The following DCHS2 variants were observed in gnomAD, a reference collection of about 807,000 sequenced individuals.
The protein encoded by DCHS2 is dachsous cadherin-related 2.
DCHS2 carries 142 observed loss-of-function variants against 182.4 expected under a neutral mutation model. The ratio of observed to expected loss-of-function variants is 0.78; its 90% CI spans 0.68 to 0.89. The LOEUF (loss-of-function observed/expected upper bound fraction) is 0.89, where lower values mean the gene tolerates loss of function less well. Among genes scored for constraint, DCHS2 ranks in the 40% least tolerant of loss-of-function variants. The pLI is 0.00. For missense variants in DCHS2, 4,319 were observed against 4,198.6 expected (o/e 1.03, Z -0.79); for synonymous variants, 1,740 against 1,663.3 (o/e 1.05, Z -1.12).
At chr4:154,329,794 G>C in intron 5 of DCHS2, 84 bp from the exon 6 acceptor site, 1 of 1,291,362 alleles carries the variant, frequency 7.7e-7, no homozygotes, top group Non-Finnish European at 1.1e-6. Flanking sequence ...GGAAAACCAA[G>C]TACAAAGCTT....
At chr4:154,442,543 A>ACACC (rs1734081934) in intron 1 of DCHS2, among the ~76,000 whole-genome samples, 1 of 47,432 alleles carries the variant, frequency 2.1e-5, no homozygotes, top group African/African-American at 9.9e-5. Flanking sequence ...CCCCCCCCCC[A>ACACC]CACACACACA....
intron 16 of DCHS2, among the ~76,000 whole-genome samples, chr4:154,248,286 G>A (rs1732184097): frequency 6.6e-6 from 1 of 152,172 alleles, no homozygotes; most frequent in Non-Finnish European, 1.5e-5. Context: ...ACAGTGATAT[G>A]AATATAGAAA....
Position 154,320,973 on chromosome 4 carries a change from G to C in DCHS2, c.4426C>G (p.Leu1476Val). The change falls in exon 9 of 20, where the codon CTT (leucine) becomes GTT (valine). Residue 1476 changes from leucine to valine, a missense_variant. Transcript: ENST00000357232. ...TGGTCTGTAGTAATCACTCTGAAAA[G>C]ATAATGAGATGTCGTCTCATAATCA... is the stretch of plus-strand genomic sequence containing the variant. ...ELDYETTSHY[L>V]FRVITTDHSK... The C allele has an allele frequency of 6.2e-7, 1 of 1,614,080 alleles. No individual in the cohort carries two copies.
intron 2 of DCHS2, among the ~76,000 whole-genome samples, chr4:154,376,462 A>AC (rs879672727): frequency 6.6e-6 from 1 of 151,584 alleles, no homozygotes; most frequent in African/African-American, 2.4e-5. Flanking sequence ...ATTAAAAAAA[A>AC]CTGGTAAAAT....
In DCHS2 at chr4:154,490,418, G is replaced by T; in HGVS notation, c.938C>A (p.Ala313Asp). The change falls in exon 1 of 20, where the codon GCC (alanine) becomes GAC (aspartate). Residue 313 changes from alanine to aspartate, a missense_variant. Transcript: ENST00000357232. ...AAVREDAQPG[A>D]EVCRVRATDR... ...GGTGGCGCGCACGCGACAGACCTCG[G>T]CGCCCGGCTGGGCGTCCTCGCGCAC... The T allele has an allele frequency of 1.3e-6, 2 of 1,533,588 alleles. No individual in the cohort carries two copies. The highest frequency in any genetic ancestry group is 2.7e-5 in the African/African-American group (2 of 72,806). 95.0% of individuals were successfully genotyped at this position (1,533,588 alleles called of 1,614,324 possible).
chr4:154,316,225 T>A (rs1389093526), intron 9 of DCHS2, among the ~76,000 whole-genome samples: 1 of 152,170 alleles, frequency 6.6e-6, no homozygotes, highest in Non-Finnish European at 1.5e-5. Context: ...TCAAGAATAA[T>A]CAATGTTATG....
intron 7 of DCHS2, chr4:154,323,148 G>A: frequency 1.3e-6 from 2 of 1,489,626 alleles, no homozygotes; most frequent in Non-Finnish European, 1.8e-6. Context: ...ATCTAGATTT[G>A]CTGTTGCATC....
intron 1 of DCHS2, among the ~76,000 whole-genome samples, chr4:154,458,063 T>A (rs1734847367): frequency 6.6e-6 from 1 of 152,210 alleles, no homozygotes. Flanking sequence ...TTCGGATACA[T>A]TATTTTATGA....
In DCHS2 at chr4:154,401,200, T is replaced by G. The variant is rs926629058; in HGVS notation, c.2053-23756A>C. On this transcript the variant is annotated intron_variant, in intron 1 of 19. Transcript: ENST00000357232. The stretch of plus-strand genomic sequence containing the variant: ...CTTTTTTCATTCAACATAAGTTTTT[T>G]GAGATTCATCCCTATTGTTTCATGT... 2.0e-5 allele frequency among the ~76,000 whole-genome samples: 3 copies of G among 152,362 alleles called. No individual in the cohort carries two copies. In the East Asian group the frequency reaches 5.8e-4, roughly 29 times the overall value.
rs768356361 is a variant in DCHS2 at position 154,235,090 on chromosome 4, G to T, written c.9562C>A (p.Gln3188Lys). The T allele has an allele frequency of 1.2e-6, 2 of 1,613,892 alleles. No homozygotes were observed. The highest frequency in any genetic ancestry group is 1.1e-5 in the South Asian group (1 of 91,072). The change falls in exon 20 of 20, where the codon CAG becomes AAG. Residue 3188 changes from glutamine to lysine, a missense_variant. Gln to Lys is a moderately conservative substitution (Grantham distance 53). Transcript: ENST00000357232. ...ATGCTCTCTTTTGCCTCTCTCTTCTGAACTGTCTGGGGTAACACATTATTT... is the reference window on the plus strand; with the variant it reads ...ATGCTCTCTTTTGCCTCTCTCTTCTTAACTGTCTGGGGTAACACATTATTT... Reference protein sequence around the residue: ...AQNNVLPQTVQKREAKESILA... With the variant: ...AQNNVLPQTVKKREAKESILA...
chr4:154,320,046 T>C (rs2111333532), intron 9 of DCHS2, among the ~76,000 whole-genome samples: 1 of 152,296 alleles, frequency 6.6e-6, no homozygotes, highest in Non-Finnish European at 1.5e-5. Context: ...ACAGTATGGA[T>C]AAATCTTGAG....
intron 1 of DCHS2, among the ~76,000 whole-genome samples, chr4:154,466,017 A>G (rs962766934): frequency 1.3e-5 from 2 of 152,152 alleles, no homozygotes; most frequent in African/African-American, 4.8e-5. Context: ...GATAAGGAAA[A>G]GATGATAAAT....
At chr4:154,478,513 G>A (rs961046772) in intron 1 of DCHS2, among the ~76,000 whole-genome samples, 3 of 152,174 alleles carry the variant, frequency 2.0e-5, no homozygotes, top group Admixed American at 2.0e-4. Flanking sequence ...CTGTGAACCT[G>A]AGGTTGGGTA....
chr4:154,298,105 T>C lies in DCHS2; in HGVS notation c.6209A>G (p.Asn2070Ser), dbSNP rs111924975. The C allele has an allele frequency of 2.1e-4, 334 of 1,614,122 alleles. No individual in the cohort carries two copies. In the African/African-American group the frequency reaches 3.6e-3, roughly 17 times the overall value. ...TGCAAAACTAAAAACCACAGTTCCA[T>C]TGGGCCCCAAGTCCAGGTCATCAGC... ...VRADDLDLGP[N>S]GTVVFSFAET... Residue 2070 changes from asparagine (N) to serine (S), a missense_variant, in exon 13 of 20, where the codon AAT (asparagine) becomes AGT (serine). Asn to Ser is a conservative substitution (Grantham distance 46). Coordinates refer to ENST00000357232, the MANE Select transcript of DCHS2 (RefSeq NM_001358235.2).
chr4:154,280,000 AAG>A (rs147251900), intron 13 of DCHS2, among the ~76,000 whole-genome samples: 1 of 151,840 alleles, frequency 6.6e-6, no homozygotes, highest in Non-Finnish European at 1.5e-5. Flanking sequence ...GAGACAGAGA[AAG>A]AGAGAGAGAG....
chr4:154,280,931 G>A (rs981854655), intron 13 of DCHS2, among the ~76,000 whole-genome samples: 3 of 151,762 alleles, frequency 2.0e-5, no homozygotes, highest in Non-Finnish European at 2.9e-5. Flanking sequence ...AGGTTGAAGT[G>A]ATTCTCCCAC....
chr4:154,322,698 T>C, intron 7 of DCHS2: 1 of 583,488 alleles, frequency 1.7e-6, no homozygotes, highest in Non-Finnish European at 2.7e-6. Flanking sequence ...GTGGACAAAA[T>C]GGTATAATAA....
At chr4:154,266,308 T>C (rs1373080311) in intron 14 of DCHS2, among the ~76,000 whole-genome samples, 1 of 102,938 alleles carries the variant, frequency 9.7e-6, no homozygotes, top group Non-Finnish European at 2.0e-5. Flanking sequence ...TTGGGAGTAC[T>C]TGAGAGTTGC....
chr4:154,302,596 C>A (rs1417266048), intron 12 of DCHS2, among the ~76,000 whole-genome samples: 1 of 151,958 alleles, frequency 6.6e-6, no homozygotes, highest in Admixed American at 6.6e-5. Context: ...GGCAGCTTTG[C>A]CAATCCAAGG....
Sources: gnomAD v4.1 joint callset for allele counts (sites outside exome capture counted in the v4.1 genomes callset) on GRCh38, gnomAD v4.1.1 for gene constraint, MANE v1.5 for transcripts, NCBI Gene and HGNC (gene_info 2026-07-23, HGNC 2026-07-21) for gene names.